Variants in ZNF749 observed in about 807,000 individuals in gnomAD.
The protein encoded by ZNF749 is zinc finger protein 749.
In ZNF749, 8 loss-of-function variants were observed where a neutral mutation model predicts 7.3. That is an observed-to-expected ratio of 1.10 (90% confidence interval 0.64 to 1.98). The LOEUF is 1.98. ZNF749 is among the 30% of genes most tolerant of loss of function. ZNF749 has a pLI of 0.00. For missense variants in ZNF749, 898 were observed against 932.4 expected, an observed-to-expected ratio of 0.96 and a Z score of 0.48; for synonymous variants, 310 against 322.4, an observed-to-expected ratio of 0.96 and a Z score of 0.41.
In ZNF749 at chr19:57,445,275, G is replaced by A. The variant is rs775515901; in HGVS notation, c.2127G>A (p.Ser709=). ...GTAGGGAATTGTTTAGGACTAAATC[G>A]AGCCTTATTATACATCAGCAGTCTC... ...SKCRELFRTK[S]SLIIHQQSHT... Residue 709 remains serine (S), a synonymous_variant, in exon 3 of 3, where the codon TCG becomes TCA. Transcript: ENST00000334181. 4.3e-6 allele frequency: 7 copies of A among 1,613,686 alleles called. No individual in the cohort carries two copies. The African/African-American group carries it at 8.0e-5, about 18-fold the overall frequency.
At position 57,439,627 on chromosome 19, in the gene ZNF749, TC is replaced by T. The variant is rs2088968586; in HGVS notation, c.16-2257del. On this transcript the variant is annotated intron_variant, in intron 1 of 2. Transcript: ENST00000334181. The surrounding 1 kb of genome is among the most constrained non-coding windows in gnomAD (Gnocchi z 4.3). Reference sequence around the variant, plus strand: ...TAATAAATAGCTGGGTGTGGTGGCGTCTCTCTGTGGTCTCAGCTAATCGGCG... The same window carrying T: ...TAATAAATAGCTGGGTGTGGTGGCGTTCTCTGTGGTCTCAGCTAATCGGCG... Among the ~76,000 whole-genome samples the T allele has an allele frequency of 6.6e-6, 1 of 151,458 alleles. No individual in the cohort carries two copies. Among genetic ancestry groups the T allele is most frequent in the Non-Finnish European group, 1.5e-5 (1 of 67,842 alleles).
At position 57,435,540 on chromosome 19, in the gene ZNF749, C is replaced by T. The variant is rs755583727; in HGVS notation, c.-39C>T. 1.9e-6 allele frequency: 3 copies of T among 1,595,728 alleles called. No homozygotes were observed. The African/African-American group carries it at 4.0e-5, about 21-fold the overall frequency. Reference sequence around the variant, plus strand: ...AGCGTCCAGGTGACCGCCGTTCCCGCCCCGCTCTTCCCTGGGTGGACTGGA... The same window carrying T: ...AGCGTCCAGGTGACCGCCGTTCCCGTCCCGCTCTTCCCTGGGTGGACTGGA... On this transcript the variant is annotated 5_prime_UTR_variant, in exon 1 of 3. Transcript: ENST00000334181.
the ZNF749 span, among the ~76,000 whole-genome samples, chr19:57,429,071 G>C: frequency 5.3e-5 from 8 of 152,214 alleles, no homozygotes; most frequent in African/African-American, 1.9e-4. The surrounding 1 kb of genome is among the most constrained non-coding windows in gnomAD (Gnocchi z 4.2). Flanking sequence ...TTGTTGCCCA[G>C]GCTGGAGTGC....
chr19:57,435,738 T>TGA, intron 1 of ZNF749, 145 bp downstream of exon 1: 1 of 1,434,004 alleles, frequency 7.0e-7, no homozygotes, highest in Non-Finnish European at 9.2e-7. Context: ...TGCGGTGCGA[T>TGA]GAGGCGGGGG....
At chr19:57,435,148 A>C (rs1462805197), upstream of ZNF749, among the ~76,000 whole-genome samples, 4 of 143,432 alleles carry the variant, frequency 2.8e-5, no homozygotes, top group Admixed American at 6.8e-5. Context: ...CGCGCCCAGC[A>C]TTGTGAGGCG....
chr19:57,437,274 T>C (rs73936939), intron 1 of ZNF749, among the ~76,000 whole-genome samples: 1,988 of 152,048 alleles, frequency 0.013, 52 homozygotes, highest in African/African-American at 0.045. Flanking sequence ...TTTTTTTTCC[T>C]CAGCCAATAT....
chr19:57,431,056 A>G (rs1296502984), upstream of ZNF749, among the ~76,000 whole-genome samples: 5 of 151,822 alleles, frequency 3.3e-5, no homozygotes, highest in African/African-American at 9.6e-5. Context: ...AAAAAAAAAA[A>G]AGAGAAAGAT....
At position 57,445,274 on chromosome 19, in the gene ZNF749, C is replaced by T. The variant is rs76428401; in HGVS notation, c.2126C>T (p.Ser709Leu). 903 of 1,613,822 alleles carry T rather than the reference C, an allele frequency of 5.6e-4. 18 individuals are homozygous for T. In the East Asian group the frequency reaches 0.02, roughly 35 times the overall value. Reference protein sequence around the residue: ...SKCRELFRTKSSLIIHQQSHT... With the variant: ...SKCRELFRTKLSLIIHQQSHT... ...TGTAGGGAATTGTTTAGGACTAAATCGAGCCTTATTATACATCAGCAGTCT... is the reference window on the plus strand; with the variant it reads ...TGTAGGGAATTGTTTAGGACTAAATTGAGCCTTATTATACATCAGCAGTCT... The change falls in exon 3 of 3, where the codon TCG becomes TTG. Residue 709 changes from serine to leucine, a missense_variant. Coordinates refer to ENST00000334181, the MANE Select transcript of ZNF749 (RefSeq NM_001023561.4).
chr19:57,438,668 C>G (rs976214460), intron 1 of ZNF749, among the ~76,000 whole-genome samples: 2 of 152,118 alleles, frequency 1.3e-5, no homozygotes, highest in Non-Finnish European at 2.9e-5. Context: ...GGCTCTCTAC[C>G]CCAGGCCCCC....
intron 1 of ZNF749, among the ~76,000 whole-genome samples, chr19:57,437,711 G>A (rs1375717525): frequency 4.9e-5 from 7 of 142,562 alleles, no homozygotes; most frequent in African/African-American, 1.8e-4. Flanking sequence ...GCAACAGGGC[G>A]AGACACTGTC....
In ZNF749 at chr19:57,444,206, G is replaced by C. The variant is rs546700168; in HGVS notation, c.1058G>C (p.Arg353Pro). Residue 353 changes from arginine (R) to proline (P), a missense_variant, in exon 3 of 3, where the codon CGT becomes CCT. By Grantham distance (103) the Arg-to-Pro change is moderately radical. Transcript: ENST00000334181. ...CAGAAAGTTCACACTGGGGAGAGGCGTTACGAGTGCAGTGAATGTGGGAAA... is the reference window on the plus strand; with the variant it reads ...CAGAAAGTTCACACTGGGGAGAGGCCTTACGAGTGCAGTGAATGTGGGAAA... ...RHQKVHTGER[R>P]YECSECGKLF... 1 of 1,614,022 alleles carries C rather than the reference G, an allele frequency of 6.2e-7. No individual in the cohort carries two copies. The highest frequency in any genetic ancestry group is 1.1e-5 in the South Asian group (1 of 91,074).
At position 57,443,535 on chromosome 19, in the gene ZNF749, G is replaced by C. The variant is rs781762214; in HGVS notation, c.387G>C (p.Lys129Asn). 1.2e-6 allele frequency: 2 copies of C among 1,614,248 alleles called. No homozygotes were observed. The highest frequency in any genetic ancestry group is 8.5e-7 in the Non-Finnish European group (1 of 1,180,046). Residue 129 changes from lysine (K) to asparagine (N), a missense_variant, in exon 3 of 3, where the codon AAG becomes AAC. Coordinates refer to ENST00000334181, the MANE Select transcript of ZNF749 (RefSeq NM_001023561.4). ...DLHQKEQIREKLTRSDEWRPS... is the reference protein window; with the variant it reads ...DLHQKEQIRENLTRSDEWRPS... ...ACCAAAAGGAGCAGATTAGAGAGAA[G>C]CTCACCAGAAGTGATGAGTGGAGGC...
chr19:57,437,204 A>C (rs2088943771), intron 1 of ZNF749, among the ~76,000 whole-genome samples: 2 of 152,060 alleles, frequency 1.3e-5, no homozygotes, highest in African/African-American at 4.8e-5. Flanking sequence ...GACATCTCAT[A>C]TATTCTTGCC....
At chr19:57,434,367 G>T (rs895236596), upstream of ZNF749, among the ~76,000 whole-genome samples, 6 of 152,180 alleles carry the variant, frequency 3.9e-5, no homozygotes, top group East Asian at 1.2e-3. Flanking sequence ...AAAGTGCTGG[G>T]ATTACAGGCG....
chr19:57,442,762 G>A lies in ZNF749; in HGVS notation c.143-529G>A, dbSNP rs2089005175. Among the ~76,000 whole-genome samples the A allele has an allele frequency of 6.6e-6, 1 of 152,202 alleles. No individual in the cohort carries two copies. Among genetic ancestry groups the A allele is most frequent in the African/African-American group, 2.4e-5 (1 of 41,512 alleles). On this transcript the variant is annotated intron_variant, in intron 2 of 2. Coordinates refer to ENST00000334181, the MANE Select transcript of ZNF749 (RefSeq NM_001023561.4). This position sits in a 1 kb window ranked among gnomAD's most constrained non-coding sequence, Gnocchi z 6.6. ...ACTATTGTTTGATGCAGGGCCACTGGCCACTCGTCACTCTTCCTTTCCTTC... is the reference window on the plus strand; with the variant it reads ...ACTATTGTTTGATGCAGGGCCACTGACCACTCGTCACTCTTCCTTTCCTTC...
At position 57,439,210 on chromosome 19, in the gene ZNF749, T is replaced by C. The variant is rs868057666; in HGVS notation, c.16-2675T>C. Among the ~76,000 whole-genome samples, 1 of 151,300 alleles carries C rather than the reference T, an allele frequency of 6.6e-6. No individual in the cohort carries two copies. The highest frequency in any genetic ancestry group is 2.4e-5 in the African/African-American group (1 of 41,114). On this transcript the variant is annotated intron_variant, in intron 1 of 2. Transcript: ENST00000334181. This position sits in a 1 kb window ranked among gnomAD's most constrained non-coding sequence, Gnocchi z 4.3. ...GGTCCAGCAACAGCCCAGGTGGAGGTTGTTGGTGACTGAACGAGAGTGGCG... is the reference window on the plus strand; with the variant it reads ...GGTCCAGCAACAGCCCAGGTGGAGGCTGTTGGTGACTGAACGAGAGTGGCG...
At chr19:57,429,182 G>A in the ZNF749 span, among the ~76,000 whole-genome samples, 6 of 151,926 alleles carry the variant, frequency 3.9e-5, no homozygotes, top group East Asian at 3.9e-4. This position sits in a 1 kb window ranked among gnomAD's most constrained non-coding sequence, Gnocchi z 4.2. Context: ...CCACCAACAC[G>A]CCTGGCTAAT....
Position 57,444,099 on chromosome 19 carries a change from G to GA in ZNF749, c.955dup (p.Thr319AsnfsTer9). The GA allele has an allele frequency of 6.2e-7, 1 of 1,614,034 alleles. No individual in the cohort carries two copies. Among genetic ancestry groups the GA allele is most frequent in the Non-Finnish European group, 8.5e-7 (1 of 1,179,980 alleles). ...CACAGGCTCATCTGGTTGGTCACCA[G>GA]AAAACCCATACTGGAGAACAGCCCT... On this transcript the variant is annotated frameshift_variant, in exon 3 of 3. Coordinates refer to ENST00000334181, the MANE Select transcript of ZNF749 (RefSeq NM_001023561.4). LOFTEE classifies it low-confidence loss of function (END_TRUNC).
Position 57,446,751 on chromosome 19 carries a change from C to T in ZNF749, c.*1266C>T, listed in dbSNP as rs1401994145. On this transcript the variant is annotated 3_prime_UTR_variant, in exon 3 of 3. Transcript: ENST00000334181. ...CTGAAGGGCACAGCCTATTACGCACCTAGGCTATATGATATGGTCCATTGC... is the reference window on the plus strand; with the variant it reads ...CTGAAGGGCACAGCCTATTACGCACTTAGGCTATATGATATGGTCCATTGC... Among the ~76,000 whole-genome samples the T allele has an allele frequency of 6.6e-6, 1 of 152,088 alleles. No homozygotes were observed. The highest frequency in any genetic ancestry group is 1.9e-4 in the East Asian group (1 of 5,188).
Sources: allele counts gnomAD v4.1 joint callset (sites outside exome capture counted in the v4.1 genomes callset), GRCh38; gene constraint gnomAD v4.1.1; non-coding constraint Gnocchi (gnomAD v3.1); transcripts MANE v1.5; gene names NCBI Gene and HGNC (gene_info 2026-07-23, HGNC 2026-07-21).